The following VPS53 variants were observed in gnomAD, a reference collection of about 807,000 sequenced individuals.
The protein encoded by VPS53 is vacuolar protein sorting-associated protein 53 homolog.
Under a neutral mutation model 107.0 loss-of-function variants are expected in VPS53, and 70 were observed. The observed-to-expected ratio is 0.65, with a 90% CI of 0.54 to 0.80. The LOEUF is 0.80. VPS53 is among the 30% of genes least tolerant of loss of function. The probability of loss-of-function intolerance (pLI) is 0.00; values close to 1 mark genes in which losing one functional copy is unlikely to be tolerated. For missense variants in VPS53, 917 were observed against 1,049.4 expected, an observed-to-expected ratio of 0.87 and a Z score of 1.74; for synonymous variants, 409 against 393.3, an observed-to-expected ratio of 1.04 and a Z score of -0.47.
Position 604,934 on chromosome 17 carries a change from T to C in VPS53, c.1117-3038A>G, listed in dbSNP as rs555606633. 5.3e-5 allele frequency among the ~76,000 whole-genome samples: 8 copies of C among 152,216 alleles called. No individual in the cohort carries two copies. The East Asian group carries it at 1.5e-3, about 29-fold the overall frequency. On this transcript the variant is annotated intron_variant, in intron 11 of 21. Coordinates refer to ENST00000437048, the MANE Select transcript of VPS53 (RefSeq NM_001128159.3). ...AAAGACAGGCCAGCCTCCGCCCTCA[T>C]GGAGATTAGAGTCTGCTGGGGGAGA... is the stretch of plus-strand genomic sequence containing the variant.
intron 12 of VPS53, among the ~76,000 whole-genome samples, chr17:598,184 A>T (rs1017604556): frequency 4.6e-5 from 7 of 152,204 alleles, no homozygotes; most frequent in Non-Finnish European, 7.4e-5. Context: ...GCCGGTCTCC[A>T]GCCCCTAACC....
At chr17:583,356 C>A (rs768640411) in intron 13 of VPS53, among the ~76,000 whole-genome samples, 1 of 150,070 alleles carries the variant, frequency 6.7e-6, no homozygotes, top group Admixed American at 6.6e-5. Flanking sequence ...AACCTCAATG[C>A]GTTCCCAGAG....
At chr17:649,584 G>A (rs562862301) in intron 7 of VPS53, among the ~76,000 whole-genome samples, 1 of 146,750 alleles carries the variant, frequency 6.8e-6, no homozygotes, top group Admixed American at 6.8e-5. Flanking sequence ...AATGGAACAG[G>A]CACTGAAGAT....
chr17:704,008 C>T (rs1393348784), intron 2 of VPS53, among the ~76,000 whole-genome samples: 2 of 152,004 alleles, frequency 1.3e-5, no homozygotes, highest in Non-Finnish European at 2.9e-5. Context: ...CTTAACAATA[C>T]AGATCCAGAG....
At chr17:664,146 T>G (rs935834179) in intron 4 of VPS53, among the ~76,000 whole-genome samples, 1 of 152,112 alleles carries the variant, frequency 6.6e-6, no homozygotes, top group Non-Finnish European at 1.5e-5. Context: ...TGGCGTGATC[T>G]CAGCTCACTG....
intron 5 of VPS53, among the ~76,000 whole-genome samples, chr17:656,382 A>G (rs1032677374): frequency 6.6e-6 from 1 of 152,186 alleles, no homozygotes; most frequent in Non-Finnish European, 1.5e-5. Flanking sequence ...TACTAATGGA[A>G]TGAGGGCCTG....
Position 518,983 on chromosome 17 carries a change from GGA to G in VPS53, c.*143_*144del, listed in dbSNP as rs1597236647. ...AGGGCAGGAAGTAAGACAGGGCATG[GGA>G]GAGACTCAGTAACAACCCACATGTC... On this transcript the variant is annotated 3_prime_UTR_variant, in exon 22 of 22. Coordinates refer to ENST00000437048, the MANE Select transcript of VPS53 (RefSeq NM_001128159.3). 1.1e-6 allele frequency: 1 copy of G among 896,588 alleles called. No homozygotes were observed. The highest frequency in any genetic ancestry group is 1.6e-6 in the Non-Finnish European group (1 of 615,306). The allele number at this position is 896,588 out of a possible 1,614,324, so 55.5% of individuals were successfully genotyped here.
intron 12 of VPS53, among the ~76,000 whole-genome samples, chr17:586,672 T>A (rs1597344861): frequency 6.6e-6 from 1 of 152,224 alleles, no homozygotes; most frequent in Non-Finnish European, 1.5e-5. Flanking sequence ...CAGCTAATAA[T>A]AGCACCTTGT....
Position 519,167 on chromosome 17 carries a change from G to A in VPS53, c.2460C>T (p.Arg820=). 6.5e-7 allele frequency: 1 copy of A among 1,544,172 alleles called. No individual in the cohort carries two copies. The highest frequency in any genetic ancestry group is 8.7e-7 in the Non-Finnish European group (1 of 1,144,120). Residue 820 remains arginine, a synonymous_variant, in exon 22 of 22, where the codon CGC becomes CGT. Coordinates refer to ENST00000437048, the MANE Select transcript of VPS53 (RefSeq NM_001128159.3). The surrounding 1 kb of genome is among the most constrained non-coding windows in gnomAD (Gnocchi z 5.0). ...TAATGAGTTTCTCGAGCTTGCGGAT[G>A]CGTGACGACTCTTGCTCTGGTGTTG... The part of the protein sequence containing the change: ...TAPTPEQESS[R]IRKLEKLIKK...
intron 11 of VPS53, among the ~76,000 whole-genome samples, chr17:604,502 G>C (rs773354853): frequency 1.3e-5 from 2 of 152,196 alleles, no homozygotes; most frequent in Non-Finnish European, 2.9e-5. Flanking sequence ...TGAGGCAGGT[G>C]AGCACAGGCC....
chr17:669,963 T>C (rs1188737519), intron 4 of VPS53, among the ~76,000 whole-genome samples: 2 of 152,056 alleles, frequency 1.3e-5, no homozygotes, highest in African/African-American at 4.8e-5. Context: ...CCAAGCTGTA[T>C]GTGGATTAAA....
chr17:569,094 A>G (rs991098975), intron 13 of VPS53, among the ~76,000 whole-genome samples: 2 of 152,202 alleles, frequency 1.3e-5, no homozygotes, highest in Non-Finnish European at 2.9e-5. Context: ...CTGGGATACA[A>G]AAGTACAGGA....
intron 19 of VPS53, among the ~76,000 whole-genome samples, chr17:530,322 T>C (rs1015713419): frequency 5.3e-5 from 8 of 151,976 alleles, no homozygotes; most frequent in African/African-American, 1.7e-4. Context: ...CCCAGCTAAT[T>C]TTTGTATTTT....
chr17:662,411 C>T (rs1028139243), intron 4 of VPS53, among the ~76,000 whole-genome samples: 8 of 152,156 alleles, frequency 5.3e-5, no homozygotes, highest in Admixed American at 3.9e-4. Context: ...AACACTGGGC[C>T]GGACACAGTG....
chr17:570,149 C>T (rs1313138320), intron 13 of VPS53, among the ~76,000 whole-genome samples: 1 of 151,812 alleles, frequency 6.6e-6, no homozygotes, highest in Non-Finnish European at 1.5e-5. Flanking sequence ...GGTGGATCAC[C>T]TGAAGTCAGG....
intron 4 of VPS53, among the ~76,000 whole-genome samples, chr17:692,852 T>A (rs540278913): frequency 2.7e-5 from 4 of 150,868 alleles, no homozygotes; most frequent in Admixed American, 6.6e-5. Flanking sequence ...AATACAAAAA[T>A]GAGCTGGGCA....
At chr17:581,526 G>C (rs1401645951) in intron 13 of VPS53, among the ~76,000 whole-genome samples, 2 of 150,180 alleles carry the variant, frequency 1.3e-5, no homozygotes, top group Admixed American at 6.6e-5. Context: ...CGTTCCCAGA[G>C]AACCTCCCTC....
intron 1 of VPS53, among the ~76,000 whole-genome samples, chr17:713,912 GCGT>G (rs1216511218): frequency 1.3e-5 from 2 of 151,564 alleles, no homozygotes; most frequent in Admixed American, 6.6e-5. Flanking sequence ...GGGTGTGGTG[GCGT>G]GCGCCTGTAA....
intron 13 of VPS53, among the ~76,000 whole-genome samples, chr17:574,962 A>C (rs546231488): frequency 7.9e-5 from 12 of 152,326 alleles, no homozygotes; most frequent in African/African-American, 2.9e-4. Flanking sequence ...TCCTGGAGGC[A>C]AACTGTGAAT....
Sources: allele counts gnomAD v4.1 joint callset (sites outside exome capture counted in the v4.1 genomes callset), GRCh38; gene constraint gnomAD v4.1.1; non-coding constraint Gnocchi (gnomAD v3.1); transcripts MANE v1.5; gene names NCBI Gene and HGNC (gene_info 2026-07-23, HGNC 2026-07-21).